Variants in CCNH observed in about 807,000 individuals in gnomAD.
CCNH encodes cyclin H, also known as cyclin-H.
In CCNH, 31 loss-of-function variants were observed where a neutral mutation model predicts 41.9. The observed-to-expected ratio is 0.74, with a 90% confidence interval of 0.56 to 1.00. The LOEUF is 1.00. Ranked by LOEUF, CCNH falls within the 50% of genes least tolerant of loss-of-function variation. The probability of loss-of-function intolerance (pLI) is 0.00; values close to 1 mark genes in which losing one functional copy is unlikely to be tolerated. For missense variants in CCNH, 362 were observed against 388.4 expected, an observed-to-expected ratio of 0.93 and a Z score of 0.57; for synonymous variants, 138 against 136.1, an observed-to-expected ratio of 1.01 and a Z score of -0.10.
downstream of CCNH, chr5:87,389,664 T>C: frequency 8.5e-7 from 1 of 1,178,878 alleles, no homozygotes; most frequent in Non-Finnish European, 1.2e-6. Context: ...TTACAAAAGA[T>C]CTCAGCAGAC....
At chr5:87,375,055 T>A, downstream of CCNH, 1 of 1,171,252 alleles carries the variant, frequency 8.5e-7, no homozygotes, top group Non-Finnish European at 1.2e-6. Context: ...TTTCTGTACT[T>A]CTTAAAGTAT....
upstream of CCNH, chr5:87,380,493 T>C: frequency 3.1e-6 from 5 of 1,595,498 alleles, no homozygotes; most frequent in Non-Finnish European, 4.3e-6. Flanking sequence ...TTGAGATGAT[T>C]GTGTTATTTT....
chr5:87,393,077 A>G (rs988131220), downstream of CCNH, among the ~76,000 whole-genome samples: 73 of 152,064 alleles, frequency 4.8e-4, 1 homozygote, highest in African/African-American at 1.7e-3. Context: ...GGAATGAGAA[A>G]AAAAAAAAAC....
chr5:87,394,961 T>C (rs745848649), intron 8 of CCNH, 83 bp downstream of exon 8: 4 of 1,602,044 alleles, frequency 2.5e-6, no homozygotes, highest in Non-Finnish European at 3.4e-6. Flanking sequence ...GCCTGTACTC[T>C]TGGAGAATAA....
At chr5:87,391,086 C>T (rs1762479702), downstream of CCNH, 1 of 640,814 alleles carries the variant, frequency 1.6e-6, no homozygotes, top group African/African-American at 1.8e-5. Context: ...AGGATATTTG[C>T]ACTATTTCCA....
downstream of CCNH, among the ~76,000 whole-genome samples, chr5:87,375,936 A>G (rs1384968662): frequency 1.3e-5 from 2 of 152,194 alleles, no homozygotes; most frequent in African/African-American, 4.8e-5. Flanking sequence ...GCCATACCTT[A>G]TATTTGAAGT....
At chr5:87,344,450 C>A (rs1227943244) in intron 9 of CCNH, among the ~76,000 whole-genome samples, 1 of 152,108 alleles carries the variant, frequency 6.6e-6, no homozygotes, top group Non-Finnish European at 1.5e-5. Flanking sequence ...TTTACTACTC[C>A]TAGCACTTAT....
At chr5:87,392,254 T>C (rs1001144715), downstream of CCNH, 1 of 456,020 alleles carries the variant, frequency 2.2e-6, no homozygotes, top group African/African-American at 2.0e-5. Flanking sequence ...ATTCCTCTAA[T>C]GTATAAAATA....
At chr5:87,358,879 C>T (rs1407865766) in intron 9 of CCNH, among the ~76,000 whole-genome samples, 1 of 152,152 alleles carries the variant, frequency 6.6e-6, no homozygotes, top group African/African-American at 2.4e-5. Flanking sequence ...AAATTGTTTT[C>T]TCTTGGATAT....
chr5:87,364,516 T>C (rs545334459), intron 9 of CCNH, among the ~76,000 whole-genome samples: 168 of 152,294 alleles, frequency 1.1e-3, no homozygotes, highest in Non-Finnish European at 1.9e-3. Flanking sequence ...CCCTTTTTTT[T>C]CCCCTGAATA....
In CCNH at chr5:87,394,398, T is replaced by G; in HGVS notation, c.*48A>C. The G allele has an allele frequency of 6.3e-7, 1 of 1,595,368 alleles. No individual in the cohort carries two copies. The highest frequency in any genetic ancestry group is 8.6e-7 in the Non-Finnish European group (1 of 1,169,430). On this transcript the variant is annotated 3_prime_UTR_variant, in exon 9 of 9. Transcript: ENST00000256897. The stretch of plus-strand genomic sequence containing the variant: ...AAATAAAGTTAAACGTTTGATATGC[T>G]TCCTACTTCTCTTGATTAGTTAGCA...
chr5:87,393,478 CT>C, downstream of CCNH: 1 of 152,172 alleles, frequency 6.6e-6, no homozygotes, highest in Non-Finnish European at 1.5e-5. Context: ...GGTTTAATAA[CT>C]TACCAAGGTC....
intron 9 of CCNH, among the ~76,000 whole-genome samples, chr5:87,320,688 A>G (rs1010766256): frequency 1.3e-5 from 2 of 152,258 alleles, no homozygotes; most frequent in Admixed American, 1.3e-4. Context: ...CACTGGGAGT[A>G]ACAGTTCAAC....
chr5:87,402,587 T>C (rs964453828), intron 5 of CCNH, among the ~76,000 whole-genome samples: 6 of 152,202 alleles, frequency 3.9e-5, no homozygotes, highest in Admixed American at 6.5e-5. Flanking sequence ...AGCAATGCTT[T>C]AAGAACTCTT....
chr5:87,394,458 T>C lies in CCNH; in HGVS notation c.960A>G (p.Val320=), dbSNP rs775655166. The C allele has an allele frequency of 6.2e-7, 1 of 1,613,236 alleles. No individual in the cohort carries two copies. Among genetic ancestry groups the C allele is most frequent in the African/African-American group, 1.3e-5 (1 of 74,914 alleles). Residue 320 remains valine (V), a synonymous_variant, in exon 9 of 9, where the codon GTA becomes GTG. Transcript: ENST00000256897. ...CAACTTCAAATGGTTAGAGAGATTCTACCAGGTCGTCATCAGTCCATTCTT... is the reference window on the plus strand; with the variant it reads ...CAACTTCAAATGGTTAGAGAGATTCCACCAGGTCGTCATCAGTCCATTCTT... ...EEEEWTDDDL[V]ESL is the part of the protein sequence containing the mutation.
chr5:87,368,778 C>A (rs1380588829), intron 9 of CCNH, among the ~76,000 whole-genome samples: 1 of 152,170 alleles, frequency 6.6e-6, no homozygotes, highest in Non-Finnish European at 1.5e-5. Context: ...GAACTGGCAA[C>A]TGCCTTGAAC....
chr5:87,358,186 A>T (rs926468434), intron 9 of CCNH, among the ~76,000 whole-genome samples: 1 of 152,188 alleles, frequency 6.6e-6, no homozygotes, highest in African/African-American at 2.4e-5. Flanking sequence ...GCAGAGTCCT[A>T]GCTAGCTTTG....
chr5:87,402,129 T>G (rs909302081), intron 5 of CCNH, among the ~76,000 whole-genome samples: 1 of 152,184 alleles, frequency 6.6e-6, no homozygotes, highest in Non-Finnish European at 1.5e-5. Context: ...CAAGTCATGA[T>G]CTTGTAACTT....
chr5:87,408,593 G>A (rs908833927), intron 3 of CCNH, among the ~76,000 whole-genome samples: 3 of 152,132 alleles, frequency 2.0e-5, no homozygotes, highest in African/African-American at 7.2e-5. Flanking sequence ...TAGGTTAAAG[G>A]AACATTGTGG....
Sources: allele counts gnomAD v4.1 joint callset (sites outside exome capture counted in the v4.1 genomes callset), GRCh38; gene constraint gnomAD v4.1.1; transcripts MANE v1.5; gene names NCBI Gene and HGNC (gene_info 2026-07-23, HGNC 2026-07-21).